Variants in RANBP17 observed in about 807,000 individuals in gnomAD.
The protein encoded by RANBP17 is RAN binding protein 17.
A neutral mutation model predicts 141.2 loss-of-function variants in RANBP17; 158 were observed. The observed-to-expected ratio is 1.12, with a 90% CI of 0.98 to 1.28. RANBP17 has a LOEUF of 1.28. RANBP17 is among the 50% of genes most tolerant of loss of function. RANBP17 has a pLI of 0.00. For missense variants in RANBP17, 1,438 were observed against 1,290.7 expected (o/e 1.11, Z -1.75); for synonymous variants, 430 against 450.0 (o/e 0.96, Z 0.56).
chr5:170,920,613 TTTTC>T (rs1295342048), intron 11 of RANBP17, among the ~76,000 whole-genome samples: 2 of 152,088 alleles, frequency 1.3e-5, no homozygotes, highest in African/African-American at 2.4e-5. Flanking sequence ...TGCCTTTTCA[TTTTC>T]TTTCTTTTTA....
intron 12 of RANBP17, among the ~76,000 whole-genome samples, chr5:170,927,528 G>GAACA (rs1773025475): frequency 6.6e-6 from 1 of 151,684 alleles, no homozygotes; most frequent in Non-Finnish European, 1.5e-5. Flanking sequence ...TTTTGTAAAT[G>GAACA]AACAATTCAT....
At chr5:170,994,925 T>A (rs569033188) in intron 14 of RANBP17, among the ~76,000 whole-genome samples, 12 of 152,224 alleles carry the variant, frequency 7.9e-5, no homozygotes, top group Non-Finnish European at 1.6e-4. Context: ...TCAGAAAACA[T>A]CTAAGAATTT....
intron 12 of RANBP17, among the ~76,000 whole-genome samples, chr5:170,927,512 CT>C (rs149220017): frequency 1.1e-4 from 16 of 150,560 alleles, no homozygotes; most frequent in African/African-American, 3.6e-4. Flanking sequence ...GCCATTTGGC[CT>C]TTTTTTTTGT....
At chr5:170,993,684 CT>C (rs1280135588) in intron 14 of RANBP17, among the ~76,000 whole-genome samples, 2 of 151,994 alleles carry the variant, frequency 1.3e-5, no homozygotes, top group Non-Finnish European at 2.9e-5. Context: ...TAAATATTAA[CT>C]GTTGTAATGA....
chr5:171,116,601 C>T (rs564703810), intron 14 of RANBP17, among the ~76,000 whole-genome samples: 30 of 152,232 alleles, frequency 2.0e-4, no homozygotes, highest in African/African-American at 7.0e-4. Flanking sequence ...TGTTGTGATA[C>T]ATATAATGTG....
chr5:171,128,212 C>T (rs1012194904), intron 14 of RANBP17, among the ~76,000 whole-genome samples: 20 of 152,186 alleles, frequency 1.3e-4, no homozygotes, highest in African/African-American at 3.4e-4. Context: ...ATGTTTACTG[C>T]GGCACTATTA....
At chr5:171,266,285 C>T (rs1303483188) in intron 25 of RANBP17, among the ~76,000 whole-genome samples, 1 of 152,134 alleles carries the variant, frequency 6.6e-6, no homozygotes, top group Admixed American at 6.5e-5. Context: ...TCTCATTCAT[C>T]ATATCATAGT....
At chr5:170,938,113 T>C (rs1163463172) in intron 12 of RANBP17, among the ~76,000 whole-genome samples, 1 of 152,020 alleles carries the variant, frequency 6.6e-6, no homozygotes. Flanking sequence ...TTAATCGGGG[T>C]GGGACGGGTC....
intron 14 of RANBP17, among the ~76,000 whole-genome samples, chr5:171,117,371 AATG>A (rs1476050764): frequency 3.3e-5 from 5 of 152,134 alleles, no homozygotes; most frequent in African/African-American, 9.7e-5. Flanking sequence ...AATGGGATGA[AATG>A]ATGATATTTC....
chr5:170,884,345 C>T (rs1768971360), intron 3 of RANBP17, among the ~76,000 whole-genome samples: 1 of 152,122 alleles, frequency 6.6e-6, no homozygotes, highest in African/African-American at 2.4e-5. Flanking sequence ...CTACTGTTGA[C>T]TAGAAGCCTT....
At chr5:171,180,830 T>C (rs1170440586) in intron 16 of RANBP17, among the ~76,000 whole-genome samples, 3 of 152,208 alleles carry the variant, frequency 2.0e-5, no homozygotes, top group African/African-American at 7.2e-5. Context: ...AAAATGTGTC[T>C]TTGACAGATG....
chr5:171,055,904 A>AC (rs1783327998), intron 14 of RANBP17, among the ~76,000 whole-genome samples: 2 of 147,110 alleles, frequency 1.4e-5, no homozygotes, highest in African/African-American at 2.5e-5. Context: ...AAACAAAAAA[A>AC]AAAACATTCT....
At chr5:171,159,917 CAAAAAAA>C (rs1175963382) in intron 14 of RANBP17, among the ~76,000 whole-genome samples, 804 of 41,516 alleles carry the variant, frequency 0.019, 5 homozygotes, top group African/African-American at 0.036. Flanking sequence ...GACTCCATCT[CAAAAAAA>C]AAAAAAAAAA....
chr5:171,290,951 C>T (rs765131235), intron 25 of RANBP17, among the ~76,000 whole-genome samples: 34 of 152,194 alleles, frequency 2.2e-4, no homozygotes, highest in Non-Finnish European at 4.7e-4. Context: ...TTTGAAGTAG[C>T]TGTTATTGTC....
intron 14 of RANBP17, among the ~76,000 whole-genome samples, chr5:171,097,608 T>TTTATTA (rs35948377): frequency 0.022 from 3,103 of 141,362 alleles, 33 homozygotes; most frequent in African/African-American, 0.028. Flanking sequence ...ATGTAGTCTT[T>TTTATTA]TTATTATTAT....
At chr5:170,964,576 T>C (rs1316989765) in intron 13 of RANBP17, among the ~76,000 whole-genome samples, 1 of 151,486 alleles carries the variant, frequency 6.6e-6, no homozygotes, top group Non-Finnish European at 1.5e-5. Flanking sequence ...GTCCACAGAG[T>C]GTGATGTTCC....
chr5:171,270,006 A>C (rs1243433905), intron 25 of RANBP17, among the ~76,000 whole-genome samples: 3 of 152,182 alleles, frequency 2.0e-5, no homozygotes, highest in African/African-American at 7.2e-5. Flanking sequence ...ATTTTGCTGG[A>C]AGCATAATTG....
At chr5:171,098,288 T>A (rs1453097861) in intron 14 of RANBP17, among the ~76,000 whole-genome samples, 1 of 152,170 alleles carries the variant, frequency 6.6e-6, no homozygotes. Context: ...TCACATCCTC[T>A]CCAGCATCTG....
rs961022711 is a variant in RANBP17 at position 171,241,079 on chromosome 5, T to C, written c.2574T>C (p.His858=). ...TCTTCAAGTTGTATGGGGACAACCATTTTGACAATGTACTCCAGGCTTTTG... is the reference window on the plus strand; with the variant it reads ...TCTTCAAGTTGTATGGGGACAACCACTTTGACAATGTACTCCAGGCTTTTG... The part of the protein sequence containing the change: ...FGVFKLYGDN[H]FDNVLQAFVK... Residue 858 remains histidine (H), a synonymous_variant, in exon 23 of 28, where the codon CAT becomes CAC. Transcript: ENST00000523189. 3.7e-6 allele frequency: 6 copies of C among 1,613,914 alleles called. No homozygotes were observed. Among genetic ancestry groups the C allele is most frequent in the Non-Finnish European group, 4.2e-6 (5 of 1,179,904 alleles).
Sources: allele counts gnomAD v4.1 joint callset (sites outside exome capture counted in the v4.1 genomes callset), GRCh38; gene constraint gnomAD v4.1.1; transcripts MANE v1.5; gene names NCBI Gene and HGNC (gene_info 2026-07-23, HGNC 2026-07-21).